Variants in OPCML observed in about 807,000 individuals in gnomAD.
The protein encoded by OPCML is opioid-binding protein/cell adhesion molecule.
Under a neutral mutation model 37.8 loss-of-function variants are expected in OPCML, and 13 were observed. That is an observed-to-expected ratio of 0.34 (90% confidence interval 0.22 to 0.55). The LOEUF (loss-of-function observed/expected upper bound fraction) is 0.55, where lower values mean the gene tolerates loss of function less well. Among genes scored for constraint, OPCML ranks in the 20% least tolerant of loss-of-function variants. The pLI is 0.91. For synonymous variants in OPCML, 176 were observed against 168.8 expected (o/e 1.04, Z -0.33); for missense variants, 341 against 435.6 (o/e 0.78, Z 1.93).
intron 1 of OPCML, chr11:133,361,548 G>GTCCGGGGCACCTGCAGCTAC (rs1565592851): frequency 1.3e-5 from 2 of 159,070 alleles, no homozygotes; most frequent in Non-Finnish European, 2.8e-5. Flanking sequence ...GCGCAGACAG[G>GTCCGGGGCACCTGCAGCTAC]TCCGGGGCAC....
chr11:132,690,203 G>A (rs957289698), intron 2 of OPCML, among the ~76,000 whole-genome samples: 1 of 152,104 alleles, frequency 6.6e-6, no homozygotes, highest in Admixed American at 6.6e-5. Flanking sequence ...GTCTCACAAA[G>A]AGCTGGGGTT....
intron 1 of OPCML, among the ~76,000 whole-genome samples, chr11:133,020,662 G>A (rs1430558373): frequency 6.6e-6 from 1 of 152,092 alleles, no homozygotes; most frequent in Non-Finnish European, 1.5e-5. Flanking sequence ...TTTCAAGATG[G>A]ATCAAAATAA....
chr11:132,621,646 C>T (rs1188467346), intron 3 of OPCML, among the ~76,000 whole-genome samples: 1 of 152,104 alleles, frequency 6.6e-6, no homozygotes, highest in Non-Finnish European at 1.5e-5. Flanking sequence ...GTGATTAGAG[C>T]TTCTGGAACA....
At chr11:133,236,172 G>A (rs1234995695) in intron 1 of OPCML, among the ~76,000 whole-genome samples, 1 of 152,066 alleles carries the variant, frequency 6.6e-6, no homozygotes, top group East Asian at 1.9e-4. Context: ...AATAAGGGTG[G>A]CTTGAACACA....
intron 1 of OPCML, among the ~76,000 whole-genome samples, chr11:133,236,260 T>G (rs1043234001): frequency 2.0e-5 from 3 of 152,060 alleles, no homozygotes; most frequent in Non-Finnish European, 4.4e-5. Context: ...GCATAGACAG[T>G]GTGGAGATGC....
In OPCML at chr11:133,208,508, T is replaced by C. The variant is rs1279009887; in HGVS notation, c.62-265498A>G. ...AATAGATTTGGATAATAAAGTGCAA[T>C]GAAGTATGTCAGTAGGGCATCGTAA... On this transcript the variant is annotated intron_variant, in intron 1 of 7. Transcript: ENST00000524381. The surrounding 1 kb of genome is among the most constrained non-coding windows in gnomAD (Gnocchi z 8.9). Among the ~76,000 whole-genome samples, 1 of 152,218 alleles carries C rather than the reference T, an allele frequency of 6.6e-6. No homozygotes were observed. Among genetic ancestry groups the C allele is most frequent in the East Asian group, 1.9e-4 (1 of 5,198 alleles).
At chr11:133,302,158 C>G (rs1311352398) in intron 1 of OPCML, 1 of 152,088 alleles carries the variant, frequency 6.6e-6, no homozygotes, top group Admixed American at 6.5e-5. Flanking sequence ...TGGCTTGGCT[C>G]TGTGTCCCCA....
At chr11:133,146,608 T>G (rs1949901237) in intron 1 of OPCML, among the ~76,000 whole-genome samples, 1 of 151,876 alleles carries the variant, frequency 6.6e-6, no homozygotes, top group Non-Finnish European at 1.5e-5. Flanking sequence ...CCAACGTGCC[T>G]GGCCATGCTA....
At chr11:133,133,436 C>T (rs1949634999) in intron 1 of OPCML, among the ~76,000 whole-genome samples, 1 of 152,212 alleles carries the variant, frequency 6.6e-6, no homozygotes, top group African/African-American at 2.4e-5. Flanking sequence ...GGCATCTTCT[C>T]TTGCCTACCT....
intron 1 of OPCML, among the ~76,000 whole-genome samples, chr11:133,281,099 T>G (rs1286791223): frequency 6.6e-6 from 1 of 152,162 alleles, no homozygotes; most frequent in Non-Finnish European, 1.5e-5. Flanking sequence ...TCACTGGGCA[T>G]CACCCCTCGC....
intron 2 of OPCML, among the ~76,000 whole-genome samples, chr11:132,899,620 C>T (rs1943976500): frequency 6.6e-6 from 1 of 152,024 alleles, no homozygotes. Context: ...TGATGATTAA[C>T]TTTAGGTGTC....
chr11:133,503,654 A>T (rs1345162918), intron 1 of OPCML, among the ~76,000 whole-genome samples: 1 of 152,252 alleles, frequency 6.6e-6, no homozygotes, highest in African/African-American at 2.4e-5. Flanking sequence ...AGAAGCCTGC[A>T]CGAGGCAATT....
At chr11:132,490,019 C>A (rs1592255453) in intron 4 of OPCML, among the ~76,000 whole-genome samples, 1 of 152,120 alleles carries the variant, frequency 6.6e-6, no homozygotes, top group South Asian at 2.1e-4. Flanking sequence ...AGGACATGAA[C>A]TCATCCTTTT....
chr11:132,568,379 G>T (rs1489542735), intron 3 of OPCML, among the ~76,000 whole-genome samples: 1 of 152,196 alleles, frequency 6.6e-6, no homozygotes, highest in Non-Finnish European at 1.5e-5. Flanking sequence ...GCTGTACTGG[G>T]TTGAAAAGTT....
chr11:133,287,381 G>A (rs1942331342), intron 1 of OPCML, among the ~76,000 whole-genome samples: 1 of 148,546 alleles, frequency 6.7e-6, no homozygotes, highest in Non-Finnish European at 1.5e-5. Context: ...CGACGTGCTG[G>A]GATTATAGCC....
chr11:133,217,035 A>C (rs2136353197), intron 1 of OPCML, among the ~76,000 whole-genome samples: 1 of 152,250 alleles, frequency 6.6e-6, no homozygotes, highest in Middle Eastern at 3.4e-3. Flanking sequence ...TAACTTGCAG[A>C]TTGTTGCTAA....
chr11:132,772,029 T>C (rs374804648), intron 2 of OPCML: 1 of 152,238 alleles, frequency 6.6e-6, no homozygotes, highest in African/African-American at 2.4e-5. Context: ...AGAGTTTACC[T>C]TGGGCACGGC....
At chr11:133,123,158 A>T (rs1180954688) in intron 1 of OPCML, among the ~76,000 whole-genome samples, 1 of 152,200 alleles carries the variant, frequency 6.6e-6, no homozygotes, top group Non-Finnish European at 1.5e-5. Flanking sequence ...ATTTTCTCCT[A>T]TGACATCATG....
chr11:132,658,944 ATT>A (rs374997590), intron 2 of OPCML, among the ~76,000 whole-genome samples: 1 of 151,356 alleles, frequency 6.6e-6, no homozygotes, highest in Non-Finnish European at 1.5e-5. Flanking sequence ...CAATGAAACT[ATT>A]TTTTTTTATT....
Sources: allele counts gnomAD v4.1 joint callset (sites outside exome capture counted in the v4.1 genomes callset), GRCh38; gene constraint gnomAD v4.1.1; non-coding constraint Gnocchi (gnomAD v3.1); transcripts MANE v1.5; gene names NCBI Gene and HGNC (gene_info 2026-07-23, HGNC 2026-07-21).